The following CSMD1 variants were observed in gnomAD, a reference collection of about 807,000 sequenced individuals.
CSMD1 encodes the protein CUB and Sushi multiple domains 1.
A neutral mutation model predicts 417.5 loss-of-function variants in CSMD1; 213 were observed. That is an observed-to-expected ratio of 0.51 (90% confidence interval 0.46 to 0.57). The LOEUF is 0.57. Ranked by LOEUF, CSMD1 falls within the 20% of genes least tolerant of loss-of-function variation. The pLI, the probability that CSMD1 is intolerant of heterozygous loss-of-function variation, is 0.00. For missense variants in CSMD1, 6,923 were observed against 4,529.7 expected, an observed-to-expected ratio of 1.53 and a Z score of -15.17; for synonymous variants, 2,862 against 1,736.8, an observed-to-expected ratio of 1.65 and a Z score of -16.11.
At chr8:4,360,802 T>A (rs550731220) in intron 3 of CSMD1, among the ~76,000 whole-genome samples, 66 of 151,588 alleles carry the variant, frequency 4.4e-4, no homozygotes, top group African/African-American at 1.6e-3. Flanking sequence ...CCCCTCGGGG[T>A]TCGTAATCTC....
At chr8:3,954,978 T>C (rs927844907) in intron 5 of CSMD1, among the ~76,000 whole-genome samples, 2 of 152,194 alleles carry the variant, frequency 1.3e-5, no homozygotes, top group Non-Finnish European at 2.9e-5. Context: ...CAGTTAACAT[T>C]TTGATGTTAA....
At chr8:4,133,009 C>G (rs1209438543) in intron 3 of CSMD1, among the ~76,000 whole-genome samples, 4 of 152,184 alleles carry the variant, frequency 2.6e-5, no homozygotes, top group Non-Finnish European at 5.9e-5. Context: ...TCTCGGCTCA[C>G]TGCAACCTCC....
At chr8:3,887,062 C>T (rs949094042) in intron 5 of CSMD1, among the ~76,000 whole-genome samples, 4 of 152,168 alleles carry the variant, frequency 2.6e-5, no homozygotes, top group Non-Finnish European at 5.9e-5. Context: ...CCCACCTACA[C>T]ATCAAGACAC....
At chr8:4,481,206 T>G (rs1331635665) in intron 2 of CSMD1, among the ~76,000 whole-genome samples, 1 of 152,250 alleles carries the variant, frequency 6.6e-6, no homozygotes, top group Non-Finnish European at 1.5e-5. Context: ...TGTTTAGCTT[T>G]ACCTTCCTAT....
intron 1 of CSMD1, among the ~76,000 whole-genome samples, chr8:4,897,252 A>G (rs1804557291): frequency 6.6e-6 from 1 of 152,100 alleles, no homozygotes; most frequent in Non-Finnish European, 1.5e-5. Context: ...AAATCCTTTC[A>G]TCGTATCAAC....
At chr8:3,275,841 T>TC (rs1802246115) in intron 26 of CSMD1, among the ~76,000 whole-genome samples, 2 of 152,052 alleles carry the variant, frequency 1.3e-5, no homozygotes, top group East Asian at 1.9e-4. Flanking sequence ...TAAACTTTTT[T>TC]CATAGTTTTC....
intron 2 of CSMD1, among the ~76,000 whole-genome samples, chr8:4,523,738 G>C (rs1416930124): frequency 6.6e-6 from 1 of 152,080 alleles, no homozygotes. Context: ...GTTCTTGTAG[G>C]AAATAAATAA....
chr8:4,647,214 G>A (rs548232868), intron 1 of CSMD1, among the ~76,000 whole-genome samples: 15 of 151,200 alleles, frequency 9.9e-5, no homozygotes, highest in Non-Finnish European at 1.6e-4. Flanking sequence ...AGAGTGTTTC[G>A]GGCGCCAGTT....
chr8:3,672,413 C>T (rs903750630), intron 7 of CSMD1, among the ~76,000 whole-genome samples: 2 of 152,168 alleles, frequency 1.3e-5, no homozygotes, highest in African/African-American at 4.8e-5. Flanking sequence ...AAAACATAAA[C>T]AGTCCAGGGT....
chr8:3,882,844 G>C (rs559929028), intron 5 of CSMD1, among the ~76,000 whole-genome samples: 2 of 152,296 alleles, frequency 1.3e-5, no homozygotes, highest in Admixed American at 1.3e-4. Flanking sequence ...AATGCTGTCA[G>C]AAGCCAAGAG....
chr8:3,515,781 C>G (rs1214765054), intron 10 of CSMD1, among the ~76,000 whole-genome samples: 1 of 152,196 alleles, frequency 6.6e-6, no homozygotes, highest in Non-Finnish European at 1.5e-5. Flanking sequence ...ACTTTCTGAA[C>G]ATGTAGGAAG....
intron 25 of CSMD1, among the ~76,000 whole-genome samples, chr8:3,286,160 A>C (rs980669546): frequency 3.3e-5 from 5 of 151,968 alleles, no homozygotes; most frequent in East Asian, 1.9e-4. Context: ...ATGAACTCAT[A>C]CTTCTTTATG....
At chr8:4,915,173 G>A (rs1480761372) in intron 1 of CSMD1, among the ~76,000 whole-genome samples, 1 of 152,062 alleles carries the variant, frequency 6.6e-6, no homozygotes, top group Non-Finnish European at 1.5e-5. Context: ...ATATATATAA[G>A]AGAAATGCAT....
intron 2 of CSMD1, among the ~76,000 whole-genome samples, chr8:4,583,856 G>C (rs547861909): frequency 1.7e-4 from 26 of 152,178 alleles, no homozygotes; most frequent in African/African-American, 6.3e-4. Flanking sequence ...CACTGTGGAA[G>C]CTTTGTTCTT....
intron 8 of CSMD1, among the ~76,000 whole-genome samples, chr8:3,613,737 A>ACACACC (rs71203455): frequency 0.2 from 28,703 of 143,110 alleles, 2,902 homozygotes; most frequent in Admixed American, 0.24. Flanking sequence ...ACACACACAC[A>ACACACC]CCTCAAAAAA....
intron 26 of CSMD1, among the ~76,000 whole-genome samples, chr8:3,240,370 G>A (rs1799418649): frequency 6.6e-6 from 1 of 152,128 alleles, no homozygotes; most frequent in Non-Finnish European, 1.5e-5. Context: ...GTTTTGTTAG[G>A]ATGGCAAAAC....
At chr8:4,201,775 G>C (rs1172317303) in intron 3 of CSMD1, among the ~76,000 whole-genome samples, 1 of 151,480 alleles carries the variant, frequency 6.6e-6, no homozygotes, top group African/African-American at 2.4e-5. Context: ...TATGAAGGGA[G>C]GTTTATGTAC....
rs55784545 is a variant in CSMD1, at chr8:3,352,073, T to A, written c.3305-3912A>T. Among the ~76,000 whole-genome samples, 950 of 152,254 alleles carry A rather than the reference T, an allele frequency of 6.2e-3. 6 individuals carry two copies. The highest frequency in any genetic ancestry group is 0.01 in the Non-Finnish European group (681 of 68,022). On this transcript the variant is annotated intron_variant, in intron 21 of 69. Transcript: ENST00000635120. ...ATGCTGAACATGATTAGCCATTGTATCCTGAGGGCCTAGTGCTTCATGAGT... is the reference window on the plus strand; with the variant it reads ...ATGCTGAACATGATTAGCCATTGTAACCTGAGGGCCTAGTGCTTCATGAGT...
chr8:4,038,853 G>T lies in CSMD1; in HGVS notation c.416-6754C>A, dbSNP rs559861764. On this transcript the variant is annotated intron_variant, in intron 3 of 69. Transcript: ENST00000635120. ...CCATGAAGCCAAATTTGTACATCAG[G>T]GCTTGAAACTTGAAACATAGGCTGC... Among the ~76,000 whole-genome samples the T allele has an allele frequency of 1.0e-3, 159 of 152,224 alleles. 1 individual carries two copies. The highest frequency in any genetic ancestry group is 3.7e-3 in the African/African-American group (154 of 41,532).
Sources: allele counts gnomAD v4.1 joint callset (sites outside exome capture counted in the v4.1 genomes callset), GRCh38; gene constraint gnomAD v4.1.1; transcripts MANE v1.5; gene names NCBI Gene and HGNC (gene_info 2026-07-23, HGNC 2026-07-21).